The following SUPT3H variants were observed in gnomAD, a reference collection of about 807,000 sequenced individuals.
SUPT3H encodes transcription initiation protein SPT3 homolog.
Under a neutral mutation model 44.3 loss-of-function variants are expected in SUPT3H, and 44 were observed. That is an observed-to-expected ratio of 0.99 (90% confidence interval 0.78 to 1.28). The LOEUF (loss-of-function observed/expected upper bound fraction) is 1.28. Ranked by LOEUF, SUPT3H falls within the 50% of genes most tolerant of loss-of-function variation. The pLI, the probability that SUPT3H is intolerant of heterozygous loss-of-function variation, is 0.00. For missense variants in SUPT3H, 380 were observed against 387.1 expected, an observed-to-expected ratio of 0.98 and a Z score of 0.15; for synonymous variants, 124 against 125.6, an observed-to-expected ratio of 0.99 and a Z score of 0.09.
intron 2 of SUPT3H, among the ~76,000 whole-genome samples, chr6:45,312,957 A>G (rs1784190078): frequency 6.6e-6 from 1 of 152,220 alleles, no homozygotes; most frequent in Non-Finnish European, 1.5e-5. Flanking sequence ...CCACAGTGGA[A>G]TAAAACTGGA....
At chr6:45,328,401 C>G (rs752289141) in intron 2 of SUPT3H, 8 of 1,414,464 alleles carry the variant, frequency 5.7e-6, no homozygotes, top group African/African-American at 1.4e-5. Context: ...CAAGAAGTCT[C>G]TGGTTTTTAA....
intron 2 of SUPT3H, among the ~76,000 whole-genome samples, chr6:45,257,147 T>A (rs777236866): frequency 6.6e-6 from 1 of 152,220 alleles, no homozygotes; most frequent in East Asian, 1.9e-4. Context: ...TGAAGTGGTA[T>A]CTCATTAAGG....
At chr6:44,919,185 C>T (rs1026874817) in intron 10 of SUPT3H, among the ~76,000 whole-genome samples, 4 of 152,062 alleles carry the variant, frequency 2.6e-5, no homozygotes, top group Non-Finnish European at 5.9e-5. Flanking sequence ...CGTGGAAGAG[C>T]AATGACAGAG....
intron 2 of SUPT3H, among the ~76,000 whole-genome samples, chr6:45,223,053 A>G (rs1766326967): frequency 6.6e-6 from 1 of 151,954 alleles, no homozygotes; most frequent in African/African-American, 2.4e-5. Flanking sequence ...AGAGAATATG[A>G]GAGAAGAGTT....
chr6:44,853,193 T>C (rs984584622), intron 10 of SUPT3H, among the ~76,000 whole-genome samples: 6 of 152,218 alleles, frequency 3.9e-5, no homozygotes, highest in African/African-American at 1.4e-4. Flanking sequence ...AGACAGGTGC[T>C]TTCAGTAAGG....
intron 2 of SUPT3H, among the ~76,000 whole-genome samples, chr6:45,236,128 A>G (rs1235608599): frequency 4.5e-5 from 2 of 44,568 alleles, no homozygotes; most frequent in African/African-American, 2.4e-4. Flanking sequence ...TCAGTTCTGA[A>G]GGCTGTGAGT....
At chr6:45,359,372 C>G (rs546016182) in intron 2 of SUPT3H, among the ~76,000 whole-genome samples, 7 of 152,184 alleles carry the variant, frequency 4.6e-5, no homozygotes, top group African/African-American at 7.2e-5. Context: ...TTCTCACTTA[C>G]ATTACAATTT....
At chr6:45,305,632 C>T (rs1439321910) in intron 2 of SUPT3H, among the ~76,000 whole-genome samples, 1 of 152,166 alleles carries the variant, frequency 6.6e-6, no homozygotes, top group Non-Finnish European at 1.5e-5. Context: ...ACACTATATA[C>T]CACATTGCTA....
intron 2 of SUPT3H, among the ~76,000 whole-genome samples, chr6:45,279,486 A>C (rs1777581606): frequency 6.6e-6 from 1 of 152,038 alleles, no homozygotes; most frequent in Non-Finnish European, 1.5e-5. Flanking sequence ...TGTCCTCCTG[A>C]GAGTAAGTTC....
chr6:45,285,394 G>A (rs983376732), intron 2 of SUPT3H, among the ~76,000 whole-genome samples: 2 of 152,204 alleles, frequency 1.3e-5, no homozygotes, highest in East Asian at 1.9e-4. Context: ...CTGCAGCAAA[G>A]TCTCAGGATA....
At chr6:45,241,260 C>A (rs1029599323) in intron 2 of SUPT3H, among the ~76,000 whole-genome samples, 3 of 152,118 alleles carry the variant, frequency 2.0e-5, no homozygotes, top group African/African-American at 7.2e-5. Context: ...TAAACAAAAT[C>A]TCTGCAACAC....
chr6:44,894,533 G>A (rs1047443223), intron 10 of SUPT3H, among the ~76,000 whole-genome samples: 2 of 152,086 alleles, frequency 1.3e-5, no homozygotes, highest in African/African-American at 4.8e-5. Context: ...GATAGTTGTA[G>A]ATATGCGGTG....
At chr6:44,973,672 C>T (rs1021356973) in intron 6 of SUPT3H, among the ~76,000 whole-genome samples, 25 of 152,170 alleles carry the variant, frequency 1.6e-4, no homozygotes, top group African/African-American at 5.8e-4. Context: ...TGTTTTCACA[C>T]TGCTAATAAA....
chr6:44,847,345 T>C (rs1772045953), intron 10 of SUPT3H, among the ~76,000 whole-genome samples: 2 of 152,222 alleles, frequency 1.3e-5, no homozygotes, highest in South Asian at 4.1e-4. Context: ...GTTACTTAAA[T>C]ATTTACTACA....
intron 9 of SUPT3H, among the ~76,000 whole-genome samples, chr6:44,952,975 C>A (rs755098766): frequency 6.6e-6 from 1 of 152,056 alleles, no homozygotes; most frequent in Non-Finnish European, 1.5e-5. Context: ...TTTTGAAGCA[C>A]AAAGAAATAA....
intron 2 of SUPT3H, among the ~76,000 whole-genome samples, chr6:45,244,294 CCA>C (rs1315784739): frequency 8.5e-5 from 13 of 152,154 alleles, no homozygotes; most frequent in Non-Finnish European, 1.5e-5. Flanking sequence ...AGATACGCTC[CCA>C]CAGTTCTTCT....
intron 2 of SUPT3H, among the ~76,000 whole-genome samples, chr6:45,233,022 G>C (rs936931272): frequency 1.3e-5 from 2 of 152,100 alleles, no homozygotes; most frequent in Non-Finnish European, 2.9e-5. Context: ...CTCTCTGTGT[G>C]CTAGGCCGAG....
rs73737878 is a variant in SUPT3H at position 45,089,176 on chromosome 6, A to C, written c.186+16746T>G. 6.0e-3 allele frequency among the ~76,000 whole-genome samples: 915 copies of C among 152,170 alleles called. 13 individuals carry two copies. Among genetic ancestry groups the C allele is most frequent in the African/African-American group, 0.021 (874 of 41,550 alleles). On this transcript the variant is annotated intron_variant, in intron 3 of 10. Transcript: ENST00000371459. ...AACATTTTCCTTTAGTCCACCTTAA[A>C]ACAAAAGTAAAAATATATAGGTTTT... is the stretch of plus-strand genomic sequence containing the variant.
At chr6:44,835,164 A>T in intron 10 of SUPT3H, among the ~76,000 whole-genome samples, 1 of 152,084 alleles carries the variant, frequency 6.6e-6, no homozygotes, top group Non-Finnish European at 1.5e-5. Flanking sequence ...TTTTCATGGA[A>T]GTCTTACTAT....
Sources: allele counts gnomAD v4.1 joint callset (sites outside exome capture counted in the v4.1 genomes callset), GRCh38; gene constraint gnomAD v4.1.1; transcripts MANE v1.5; gene names NCBI Gene and HGNC (gene_info 2026-07-23, HGNC 2026-07-21).